Variants in GABRG3 observed in about 807,000 individuals in gnomAD.
GABRG3 encodes the protein gamma-aminobutyric acid receptor subunit gamma-3.
Under a neutral mutation model 48.8 loss-of-function variants are expected in GABRG3, and 25 were observed. The ratio of observed to expected loss-of-function variants is 0.51; its 90% CI spans 0.37 to 0.72. GABRG3 has a LOEUF of 0.72. Among genes scored for constraint, GABRG3 ranks in the 30% least tolerant of loss-of-function variants. The probability of loss-of-function intolerance (pLI) is 0.00; values close to 1 mark genes in which losing one functional copy is unlikely to be tolerated. For synonymous variants in GABRG3, 227 were observed against 217.6 expected (o/e 1.04, Z -0.38); for missense variants, 394 against 577.9 (o/e 0.68, Z 3.26).
intron 5 of GABRG3, among the ~76,000 whole-genome samples, chr15:27,376,997 C>T (rs540465636): frequency 7.2e-5 from 11 of 152,278 alleles, no homozygotes; most frequent in Middle Eastern, 6.8e-3. Context: ...ACCCAACTCA[C>T]CTCTTGAATG....
intron 3 of GABRG3, among the ~76,000 whole-genome samples, chr15:27,190,511 C>T (rs1888257811): frequency 6.6e-6 from 1 of 152,014 alleles, no homozygotes; most frequent in Non-Finnish European, 1.5e-5. Context: ...GGTTTATTTG[C>T]GTAGAGGTGT....
chr15:27,502,867 A>G (rs769879859), intron 6 of GABRG3, among the ~76,000 whole-genome samples: 14 of 152,316 alleles, frequency 9.2e-5, no homozygotes, highest in African/African-American at 3.4e-4. Flanking sequence ...TTCCCTCCCC[A>G]TGGAGTTGGG....
intron 3 of GABRG3, among the ~76,000 whole-genome samples, chr15:27,293,189 G>A (rs1307058310): frequency 6.6e-6 from 1 of 152,162 alleles, no homozygotes; most frequent in African/African-American, 2.4e-5. Context: ...AAAGATGATG[G>A]TGGATGAGTG....
chr15:27,199,239 A>G (rs1423678111), intron 3 of GABRG3, among the ~76,000 whole-genome samples: 1 of 152,206 alleles, frequency 6.6e-6, no homozygotes, highest in African/African-American at 2.4e-5. Context: ...TGTTGTTAGG[A>G]TAGCCATTAT....
chr15:27,316,283 G>T (rs1198563620), intron 3 of GABRG3, among the ~76,000 whole-genome samples: 1 of 150,978 alleles, frequency 6.6e-6, no homozygotes, highest in Admixed American at 6.6e-5. Flanking sequence ...AGCTACTTGG[G>T]AGGCTGAGGC....
chr15:27,049,121 T>C (rs892934278), intron 3 of GABRG3, among the ~76,000 whole-genome samples: 11 of 152,206 alleles, frequency 7.2e-5, no homozygotes, highest in Admixed American at 5.2e-4. Context: ...TGAGCATGCA[T>C]CTCCTGCACA....
chr15:27,383,224 G>A (rs757756788), intron 5 of GABRG3, among the ~76,000 whole-genome samples: 1 of 152,168 alleles, frequency 6.6e-6, no homozygotes, highest in Admixed American at 6.5e-5. Context: ...TTCATCTGAG[G>A]ATAGTACTTT....
chr15:27,446,128 C>G (rs1888937747), intron 5 of GABRG3, among the ~76,000 whole-genome samples: 1 of 152,048 alleles, frequency 6.6e-6, no homozygotes, highest in African/African-American at 2.4e-5. Context: ...TATTCTGGGT[C>G]TCTTGCATTT....
chr15:27,268,628 A>G (rs1349822503), intron 3 of GABRG3, among the ~76,000 whole-genome samples: 1 of 152,186 alleles, frequency 6.6e-6, no homozygotes, highest in Admixed American at 6.5e-5. Flanking sequence ...TGATTGATTT[A>G]AGGTCTATCT....
intron 3 of GABRG3, among the ~76,000 whole-genome samples, chr15:27,066,911 G>A (rs928149763): frequency 6.6e-6 from 1 of 152,184 alleles, no homozygotes; most frequent in African/African-American, 2.4e-5. Context: ...AATGTCAAGG[G>A]TGAGGCAAAC....
rs368404909 is a variant in GABRG3 at position 27,273,238 on chromosome 15, CAT to C, written c.271-53570_271-53569del. 5.3e-4 allele frequency among the ~76,000 whole-genome samples: 81 copies of C among 152,274 alleles called. No homozygotes were observed. The East Asian group carries it at 0.011, about 21-fold the overall frequency. ...GTAACTGTATACAGTTTATTTCAAT[CAT>C]GTGTCTAATACATTTTTCTTTTGGA... On this transcript the variant is annotated intron_variant, in intron 3 of 9. Coordinates refer to ENST00000615808, the MANE Select transcript of GABRG3 (RefSeq NM_033223.5).
In GABRG3 at chr15:27,307,005, T is replaced by TATA. The variant is rs201237093; in HGVS notation, c.271-19804_271-19803insATA. Among the ~76,000 whole-genome samples, 61 of 102,338 alleles carry TATA rather than the reference T, an allele frequency of 6.0e-4. 3 individuals are homozygous for TATA. Among genetic ancestry groups the TATA allele is most frequent in the African/African-American group, 1.6e-3 (28 of 17,838 alleles). The allele number at this position is 102,338 out of a possible 152,430, so 67.1% of individuals were successfully genotyped here. On this transcript the variant is annotated intron_variant, in intron 3 of 9. Coordinates refer to ENST00000615808, the MANE Select transcript of GABRG3 (RefSeq NM_033223.5). ...ATATAAACATGTTTATATATAAACA[T>TATA]GTATAAACATGTTTATATATAAACA...
intron 5 of GABRG3, among the ~76,000 whole-genome samples, chr15:27,470,261 G>A (rs1377419502): frequency 6.8e-6 from 1 of 146,950 alleles, no homozygotes. Flanking sequence ...TTTTTCTTGA[G>A]GCGGAGTCTC....
chr15:27,413,168 T>TA (rs900184522), intron 5 of GABRG3, among the ~76,000 whole-genome samples: 15 of 152,170 alleles, frequency 9.9e-5, no homozygotes, highest in African/African-American at 3.6e-4. Context: ...TAGCAGTGTT[T>TA]AAAAAAAGTT....
chr15:27,508,744 C>T lies in GABRG3; in HGVS notation c.713-11228C>T, dbSNP rs564661862. 9.2e-5 allele frequency among the ~76,000 whole-genome samples: 14 copies of T among 151,878 alleles called. No individual in the cohort carries two copies. The East Asian group carries it at 1.6e-3, about 17-fold the overall frequency. On this transcript the variant is annotated intron_variant, in intron 6 of 9. Transcript: ENST00000615808. ...TGTTGTTGTTGTTGAGATGGAGTCT[C>T]GCTCCATCACCCAGGCTGGAGTACA... is the stretch of plus-strand genomic sequence containing the variant.
chr15:27,531,102 T>C (rs1409750230), intron 9 of GABRG3, among the ~76,000 whole-genome samples: 1 of 152,098 alleles, frequency 6.6e-6, no homozygotes, highest in East Asian at 1.9e-4. Context: ...TGCCTACTCA[T>C]CAGGATTGTG....
chr15:27,200,855 C>T (rs928933115), intron 3 of GABRG3, among the ~76,000 whole-genome samples: 1 of 152,064 alleles, frequency 6.6e-6, no homozygotes, highest in African/African-American at 2.4e-5. Flanking sequence ...TATTTAAGGC[C>T]TCGAGATTTT....
chr15:27,142,390 T>C (rs935522784), intron 3 of GABRG3, among the ~76,000 whole-genome samples: 2 of 152,074 alleles, frequency 1.3e-5, no homozygotes, highest in Admixed American at 6.6e-5. Context: ...CCATCTTACA[T>C]GGATGGCAGT....
At chr15:27,424,207 T>C (rs1888219964) in intron 5 of GABRG3, among the ~76,000 whole-genome samples, 1 of 152,024 alleles carries the variant, frequency 6.6e-6, no homozygotes, top group Non-Finnish European at 1.5e-5. Context: ...GGGTCTTGGG[T>C]CACACCATAT....
Sources: gnomAD v4.1 joint callset for allele counts (sites outside exome capture counted in the v4.1 genomes callset) on GRCh38, gnomAD v4.1.1 for gene constraint, MANE v1.5 for transcripts, NCBI Gene and HGNC (gene_info 2026-07-23, HGNC 2026-07-21) for gene names.